The following AACS variants were observed in gnomAD, a reference collection of about 807,000 sequenced individuals.
AACS encodes acetoacetate-CoA ligase.
Under a neutral mutation model 83.1 loss-of-function variants are expected in AACS, and 69 were observed. The ratio of observed to expected loss-of-function variants is 0.83; its 90% CI spans 0.68 to 1.01. AACS has a LOEUF of 1.01. AACS is among the 50% of genes least tolerant of loss of function. The pLI is 0.00. For missense variants in AACS, 866 were observed against 882.2 expected (o/e 0.98, Z 0.23); for synonymous variants, 333 against 343.4 (o/e 0.97, Z 0.33).
chr12:125,102,462 G>A (rs977902096), intron 5 of AACS: 8 of 483,586 alleles, frequency 1.7e-5, no homozygotes, highest in East Asian at 4.0e-5. Flanking sequence ...GGCTACTGAA[G>A]GTTTTTGCCA....
At chr12:125,109,130 CTTTTG>C (rs998289624) in intron 8 of AACS, among the ~76,000 whole-genome samples, 3 of 151,886 alleles carry the variant, frequency 2.0e-5, no homozygotes, top group Admixed American at 6.6e-5. Flanking sequence ...TTTCAACGTC[CTTTTG>C]TTTTGTTTTG....
intron 1 of AACS, among the ~76,000 whole-genome samples, chr12:125,070,332 C>T (rs537133187): frequency 6.6e-5 from 10 of 152,244 alleles, no homozygotes; most frequent in Non-Finnish European, 1.2e-4. Flanking sequence ...AACAGCAGTG[C>T]GCTGGGTTTA....
chr12:125,111,769 G>T (rs1048190461), intron 8 of AACS, among the ~76,000 whole-genome samples: 10 of 152,170 alleles, frequency 6.6e-5, no homozygotes, highest in African/African-American at 2.2e-4. Context: ...ACTCTCCTGC[G>T]CTGAGACCCA....
At chr12:125,070,338 G>A (rs1455743194) in intron 1 of AACS, among the ~76,000 whole-genome samples, 1 of 152,152 alleles carries the variant, frequency 6.6e-6, no homozygotes, top group Non-Finnish European at 1.5e-5. Flanking sequence ...AGTGCGCTGG[G>A]TTTAGCAGAG....
At chr12:125,116,667 G>A (rs777845056) in intron 9 of AACS, among the ~76,000 whole-genome samples, 27 of 152,012 alleles carry the variant, frequency 1.8e-4, no homozygotes, top group South Asian at 6.2e-4. Flanking sequence ...GGGTTTCACC[G>A]TGTTGGCCAG....
At chr12:125,124,634 C>G in intron 10 of AACS, 71 bp from the exon 11 acceptor site, 1 of 1,577,700 alleles carries the variant, frequency 6.3e-7, no homozygotes, top group Non-Finnish European at 8.7e-7. Context: ...AAATAAATCA[C>G]TAACTTTAGA....
chr12:125,102,085 A>G (rs1956722658), intron 5 of AACS: 1 of 151,130 alleles, frequency 6.6e-6, no homozygotes, highest in Admixed American at 6.6e-5. Context: ...AAAAACAAAA[A>G]AAAAACCAGA....
At chr12:125,089,226 G>A (rs891284301) in intron 4 of AACS, among the ~76,000 whole-genome samples, 1 of 152,194 alleles carries the variant, frequency 6.6e-6, no homozygotes, top group African/African-American at 2.4e-5. Context: ...GATGTGGGTG[G>A]AACCCCATGG....
chr12:125,120,885 C>T (rs1957142421), intron 10 of AACS: 1 of 152,284 alleles, frequency 6.6e-6, no homozygotes, highest in South Asian at 2.1e-4. Context: ...TGTGTAAGTG[C>T]AAGTGAGTGC....
At chr12:125,092,881 T>G (rs910331591) in intron 5 of AACS, among the ~76,000 whole-genome samples, 2 of 152,152 alleles carry the variant, frequency 1.3e-5, no homozygotes, top group Non-Finnish European at 2.9e-5. Context: ...AGCCAGGCTG[T>G]CCAGGGCAGA....
intron 3 of AACS, among the ~76,000 whole-genome samples, chr12:125,085,985 C>T (rs2136065795): frequency 1.3e-5 from 2 of 152,190 alleles, no homozygotes; most frequent in East Asian, 3.9e-4. Flanking sequence ...AGATGGAGGT[C>T]TCACTCTGTT....
Position 125,114,668 on chromosome 12 carries a change from G to A in AACS, c.996+111G>A, listed in dbSNP as rs1957018595. The A allele has an allele frequency of 2.6e-6, 2 of 764,926 alleles. 1 individual carries two copies. Among genetic ancestry groups the A allele is most frequent in the Non-Finnish European group, 3.9e-6 (2 of 517,454 alleles). 47.4% of individuals were successfully genotyped at this position (764,926 alleles called of 1,614,324 possible). On this transcript the variant is annotated intron_variant, in intron 9 of 17. Transcript: ENST00000316519. Reference sequence around the variant, plus strand: ...CCCCAGGCGCCGGCCCGTGGCACATGGTAAGGGCTTCCCCAGGTGCTGGCC... The same window carrying A: ...CCCCAGGCGCCGGCCCGTGGCACATAGTAAGGGCTTCCCCAGGTGCTGGCC...
At chr12:125,077,995 C>G (rs1006571478) in intron 3 of AACS, 3 of 386,422 alleles carry the variant, frequency 7.8e-6, no homozygotes, top group Non-Finnish European at 1.6e-5. Context: ...CAGGCGTGAG[C>G]CACCATGCCC....
At chr12:125,119,695 C>T (rs114881455) in intron 10 of AACS, among the ~76,000 whole-genome samples, 211 of 152,234 alleles carry the variant, frequency 1.4e-3, no homozygotes, top group African/African-American at 4.4e-3. Flanking sequence ...GTCCCTCGTA[C>T]GACACATGGG....
At chr12:125,072,157 C>CTTT (rs1244336663) in intron 1 of AACS, among the ~76,000 whole-genome samples, 85 of 136,516 alleles carry the variant, frequency 6.2e-4, no homozygotes, top group Admixed American at 3.3e-3. Context: ...GCTCCTGGCG[C>CTTT]TTTTTTTTTT....
intron 5 of AACS, 38 bp downstream of exon 5, chr12:125,091,561 C>T (rs1453017710): frequency 6.2e-7 from 1 of 1,600,020 alleles, no homozygotes; most frequent in Non-Finnish European, 8.6e-7. Context: ...CACCCCTTGC[C>T]CTGTGAGCAT....
At position 125,076,359 on chromosome 12, in the gene AACS, C is replaced by G. The variant is rs920853597; in HGVS notation, c.238-132C>G. 1.3e-5 allele frequency: 16 copies of G among 1,249,192 alleles called. No individual in the cohort carries two copies. The African/African-American group carries it at 2.4e-4, about 19-fold the overall frequency. The allele number at this position is 1,249,192 out of a possible 1,614,324, so 77.4% of individuals were successfully genotyped here. A position where few individuals can be genotyped will look rare whatever the true frequency, so the allele number is the denominator to read the frequency against. ...GTCCATAAAATGATTTAAAAATGCT[C>G]TGGGCCAATGAGTGAGCTGGCTTCC... is the stretch of plus-strand genomic sequence containing the variant. On this transcript the variant is annotated intron_variant, in intron 2 of 17. Transcript: ENST00000316519.
chr12:125,137,821 A>G (rs1043194481), intron 17 of AACS, among the ~76,000 whole-genome samples: 31 of 152,176 alleles, frequency 2.0e-4, no homozygotes, highest in Admixed American at 1.3e-3. Flanking sequence ...TGGAATGGCT[A>G]TTCGTTAAGG....
intron 14 of AACS, among the ~76,000 whole-genome samples, chr12:125,132,578 ATT>A (rs138216654): frequency 6.7e-6 from 1 of 148,594 alleles, no homozygotes; most frequent in Admixed American, 6.7e-5. Flanking sequence ...CTAGGAGTGG[ATT>A]TTTTTTTTTC....
Sources: gnomAD v4.1 joint callset for allele counts (sites outside exome capture counted in the v4.1 genomes callset) on GRCh38, gnomAD v4.1.1 for gene constraint, MANE v1.5 for transcripts, NCBI Gene and HGNC (gene_info 2026-07-23, HGNC 2026-07-21) for gene names.